The following SNX30 variants were observed in gnomAD, a reference collection of about 807,000 sequenced individuals.
SNX30 encodes sorting nexin family member 30.
SNX30 carries 24 observed loss-of-function variants against 46.4 expected under a neutral mutation model. The ratio of observed to expected loss-of-function variants is 0.52; its 90% confidence interval spans 0.37 to 0.73. The LOEUF (loss-of-function observed/expected upper bound fraction) is 0.73, where lower values mean the gene tolerates loss of function less well. SNX30 is among the 30% of genes least tolerant of loss of function. The probability of loss-of-function intolerance (pLI) is 0.00; values close to 1 mark genes in which losing one functional copy is unlikely to be tolerated. For missense variants in SNX30, 533 were observed against 555.7 expected (o/e 0.96, Z 0.41); for synonymous variants, 189 against 211.5 (o/e 0.89, Z 0.92).
At chr9:112,859,118 T>C (rs1301278376) in intron 7 of SNX30, among the ~76,000 whole-genome samples, 2 of 152,170 alleles carry the variant, frequency 1.3e-5, no homozygotes, top group Non-Finnish European at 2.9e-5. Flanking sequence ...TAGAAACCCC[T>C]GTTCTACTTT....
At chr9:112,775,315 T>C (rs1839725912) in intron 1 of SNX30, among the ~76,000 whole-genome samples, 1 of 151,582 alleles carries the variant, frequency 6.6e-6, no homozygotes, top group African/African-American at 2.4e-5. Context: ...ACCACCACAC[T>C]TGGCTAATTT....
At chr9:112,795,323 T>C (rs1840089765) in intron 1 of SNX30, among the ~76,000 whole-genome samples, 1 of 152,190 alleles carries the variant, frequency 6.6e-6, no homozygotes, top group Non-Finnish European at 1.5e-5. Flanking sequence ...ATTAAGAAGC[T>C]TGCTTAAGTT....
At chr9:112,762,242 G>C (rs1024211190) in intron 1 of SNX30, among the ~76,000 whole-genome samples, 2 of 152,068 alleles carry the variant, frequency 1.3e-5, no homozygotes, top group African/African-American at 4.8e-5. Flanking sequence ...GTGTTGGTGG[G>C]GGGGAAGTGG....
At chr9:112,764,217 A>C (rs1839493678) in intron 1 of SNX30, among the ~76,000 whole-genome samples, 1 of 152,234 alleles carries the variant, frequency 6.6e-6, no homozygotes, top group Non-Finnish European at 1.5e-5. Context: ...AAGAACCAGC[A>C]CATACTAAAG....
chr9:112,807,091 GTC>G (rs1357345285), intron 2 of SNX30, among the ~76,000 whole-genome samples: 3 of 100,330 alleles, frequency 3.0e-5, no homozygotes, highest in East Asian at 7.2e-4. Context: ...TTGAGACAGA[GTC>G]TCCCTCTGTC....
chr9:112,832,183 A>G (rs1054990710), intron 4 of SNX30, among the ~76,000 whole-genome samples: 1 of 151,650 alleles, frequency 6.6e-6, no homozygotes, highest in African/African-American at 2.4e-5. Flanking sequence ...TTCCCCCCCT[A>G]CAGGTTGGAC....
At position 112,836,240 on chromosome 9, in the gene SNX30, G is replaced by A. The variant is rs745509129; in HGVS notation, c.645G>A (p.Gly215=). 5.6e-6 allele frequency: 9 copies of A among 1,605,142 alleles called. No homozygotes were observed. The African/African-American group carries it at 1.1e-4, about 19-fold the overall frequency. The change falls in exon 5 of 9, where the codon GGG becomes GGA. Residue 215 remains glycine, a synonymous_variant. Transcript: ENST00000374232. ...AKDLNAYKKQ[G]IALLTRMGES... ...ACCTGAACGCCTACAAGAAGCAAGG[G>A]ATAGCATTGCTGACCAGAATGGGCG...
chr9:112,854,674 C>T (rs1564292765), intron 7 of SNX30, among the ~76,000 whole-genome samples: 1 of 152,218 alleles, frequency 6.6e-6, no homozygotes, highest in Non-Finnish European at 1.5e-5. Context: ...AAATCCTTTG[C>T]TGCCTTTGGG....
chr9:112,847,729 C>A (rs563044979), intron 6 of SNX30, among the ~76,000 whole-genome samples: 1 of 152,278 alleles, frequency 6.6e-6, no homozygotes, highest in East Asian at 1.9e-4. Context: ...GAAATCACAA[C>A]AAAATGTTCT....
At chr9:112,775,835 C>T (rs1222361930) in intron 1 of SNX30, among the ~76,000 whole-genome samples, 11 of 146,550 alleles carry the variant, frequency 7.5e-5, no homozygotes, top group African/African-American at 2.0e-4. Flanking sequence ...TTTTGTACCA[C>T]GCTTTACACA....
At chr9:112,758,553 G>A (rs1018053587) in intron 1 of SNX30, among the ~76,000 whole-genome samples, 1 of 151,916 alleles carries the variant, frequency 6.6e-6, no homozygotes, top group Admixed American at 6.6e-5. Flanking sequence ...TGGTCTTGAC[G>A]CCTGGCTAAT....
chr9:112,765,755 C>T (rs1485629030), intron 1 of SNX30, among the ~76,000 whole-genome samples: 1 of 152,182 alleles, frequency 6.6e-6, no homozygotes, highest in Non-Finnish European at 1.5e-5. Flanking sequence ...CTAAACATAT[C>T]CATCACCTCA....
At chr9:112,816,622 G>A (rs1840399503) in intron 2 of SNX30, among the ~76,000 whole-genome samples, 1 of 152,172 alleles carries the variant, frequency 6.6e-6, no homozygotes, top group African/African-American at 2.4e-5. Context: ...TTTTGGGGAG[G>A]ATGAAATCAT....
chr9:112,770,235 G>A (rs1010397978), intron 1 of SNX30, among the ~76,000 whole-genome samples: 5 of 151,754 alleles, frequency 3.3e-5, no homozygotes, highest in Admixed American at 1.3e-4. Context: ...GTTGTGGTGC[G>A]GTTTCGACTC....
chr9:112,804,619 G>A (rs769891851), intron 1 of SNX30, among the ~76,000 whole-genome samples, 157 bp from the exon 2 acceptor site: 53 of 152,190 alleles, frequency 3.5e-4, no homozygotes, highest in Non-Finnish European at 6.6e-4. Context: ...TAAAAGATTT[G>A]TTCACTCAAG....
chr9:112,857,400 C>T (rs537020358), intron 7 of SNX30, among the ~76,000 whole-genome samples: 4 of 152,254 alleles, frequency 2.6e-5, no homozygotes, highest in South Asian at 4.1e-4. Context: ...ACACTGAAAA[C>T]GCAGTTGCTG....
At chr9:112,782,073 A>G (rs555046617) in intron 1 of SNX30, among the ~76,000 whole-genome samples, 1 of 151,424 alleles carries the variant, frequency 6.6e-6, no homozygotes, top group Non-Finnish European at 1.5e-5. Flanking sequence ...TTTATTTTTT[A>G]TTGTTTTTTT....
At chr9:112,763,975 C>T (rs1001809783) in intron 1 of SNX30, among the ~76,000 whole-genome samples, 4 of 151,946 alleles carry the variant, frequency 2.6e-5, no homozygotes, top group Non-Finnish European at 5.9e-5. Context: ...GTATATTGTA[C>T]TCAATAATTT....
chr9:112,868,909 C>A lies in SNX30; in HGVS notation c.*66C>A. ...CCTGGCACCCTATACCGGAATGTCC[C>A]TGCAGTGCCAGAGACGCAGTGCTGG... On this transcript the variant is annotated 3_prime_UTR_variant, in exon 9 of 9. Transcript: ENST00000374232. The A allele has an allele frequency of 6.7e-7, 1 of 1,492,832 alleles. No individual in the cohort carries two copies. The allele number at this position is 1,492,832 out of a possible 1,614,324, so 92.5% of individuals were successfully genotyped here. A position where few individuals can be genotyped will look rare whatever the true frequency, so the allele number is the denominator to read the frequency against.
Sources: allele counts gnomAD v4.1 joint callset (sites outside exome capture counted in the v4.1 genomes callset), GRCh38; gene constraint gnomAD v4.1.1; transcripts MANE v1.5; gene names NCBI Gene and HGNC (gene_info 2026-07-23, HGNC 2026-07-21).